The following SNX4 variants were observed in gnomAD, a reference collection of about 807,000 sequenced individuals.
The protein encoded by SNX4 is sorting nexin 4, also known as sorting nexin-4.
In SNX4, 49 loss-of-function variants were observed where a neutral mutation model predicts 70.8. The ratio of observed to expected loss-of-function variants is 0.69; its 90% CI spans 0.55 to 0.88. The LOEUF (loss-of-function observed/expected upper bound fraction) is 0.88. SNX4 is among the 40% of genes least tolerant of loss of function. SNX4 has a pLI of 0.00. For synonymous variants in SNX4, 206 were observed against 183.8 expected (o/e 1.12, Z -0.98); for missense variants, 528 against 544.8 (o/e 0.97, Z 0.31).
At position 125,455,843 on chromosome 3, in the gene SNX4, C is replaced by G. The variant is rs1933701223; in HGVS notation, c.1044+1423G>C. Reference sequence around the variant, plus strand: ...CTTGGCTAACATGGTGAAACCCCGTCTGTACTAAAAGTGCAAAAAAAAAAT... The same window carrying G: ...CTTGGCTAACATGGTGAAACCCCGTGTGTACTAAAAGTGCAAAAAAAAAAT... On this transcript the variant is annotated intron_variant, in intron 11 of 13. Transcript: ENST00000251775. Among the ~76,000 whole-genome samples, 3 of 152,032 alleles carry G rather than the reference C, an allele frequency of 2.0e-5. No homozygotes were observed. In the South Asian group the frequency reaches 6.2e-4, roughly 32 times the overall value.
At chr3:125,457,211 G>A in intron 11 of SNX4, 55 bp downstream of exon 11, 1 of 1,251,044 alleles carries the variant, frequency 8.0e-7, no homozygotes, top group South Asian at 1.2e-5. Context: ...GAGTGCTTGT[G>A]AGGAACATTC....
At chr3:125,519,955 C>A in intron 1 of SNX4, 77 bp downstream of exon 1, 2 of 1,155,734 alleles carry the variant, frequency 1.7e-6, no homozygotes, top group Non-Finnish European at 2.3e-6. Context: ...CCCGGCCCAG[C>A]CCAGCCCAGC....
At position 125,497,763 on chromosome 3, in the gene SNX4, G is replaced by T. The variant is rs1246780555; in HGVS notation, c.549+71C>A. ...ATTAATGAAAAGATCCTTAAAATAA[G>T]TATTCTACAATTTTTTTAAGAAACC... On this transcript the variant is annotated intron_variant, in intron 4 of 13. Coordinates refer to ENST00000251775, the MANE Select transcript of SNX4 (RefSeq NM_003794.4). 5.9e-6 allele frequency: 6 copies of T among 1,013,282 alleles called. No homozygotes were observed. In the Admixed American group the frequency reaches 1.6e-4, roughly 27 times the overall value. The allele number at this position is 1,013,282 out of a possible 1,614,324, so 62.8% of individuals were successfully genotyped here. A position where few individuals can be genotyped will look rare whatever the true frequency, so the allele number is the denominator to read the frequency against.
chr3:125,512,604 G>A (rs1170048791), intron 1 of SNX4, among the ~76,000 whole-genome samples: 1 of 152,162 alleles, frequency 6.6e-6, no homozygotes, highest in Non-Finnish European at 1.5e-5. Context: ...GGACTGGCTT[G>A]TTGAATGGCA....
chr3:125,460,873 A>C lies in SNX4; in HGVS notation c.855-13T>G. On this transcript the variant is annotated splice_polypyrimidine_tract_variant and intron_variant, in intron 9 of 13. Transcript: ENST00000251775. ...AGAAGATGCATACCTGTTTTAAAAA[A>C]AAAAACACACATTGCATAGAGTTAC... The C allele has an allele frequency of 7.8e-7, 1 of 1,284,298 alleles. No homozygotes were observed. The highest frequency in any genetic ancestry group is 1.1e-6 in the Non-Finnish European group (1 of 929,028). The allele number at this position is 1,284,298 out of a possible 1,614,324, so 79.6% of individuals were successfully genotyped here. A position where few individuals can be genotyped will look rare whatever the true frequency, so the allele number is the denominator to read the frequency against.
intron 8 of SNX4, among the ~76,000 whole-genome samples, chr3:125,470,264 T>A (rs1039957924): frequency 3.3e-5 from 5 of 152,130 alleles, no homozygotes; most frequent in African/African-American, 1.2e-4. Context: ...ATGCTTTTTT[T>A]AAATAGTATT....
intron 8 of SNX4, among the ~76,000 whole-genome samples, chr3:125,470,557 C>T (rs1934141589): frequency 1.3e-5 from 2 of 149,584 alleles, no homozygotes; most frequent in South Asian, 2.1e-4. Context: ...ACCTGAAGTC[C>T]ACCCTCACCT....
chr3:125,472,630 G>A (rs1934201527), intron 8 of SNX4, among the ~76,000 whole-genome samples: 1 of 152,066 alleles, frequency 6.6e-6, no homozygotes, highest in Admixed American at 6.6e-5. Context: ...GCTGCTTCTG[G>A]CCAATGTCAT....
intron 7 of SNX4, among the ~76,000 whole-genome samples, chr3:125,479,783 T>C (rs1163848862): frequency 6.6e-6 from 1 of 152,142 alleles, no homozygotes; most frequent in Non-Finnish European, 1.5e-5. Context: ...CTGAACTATA[T>C]GGTTAAGTAT....
At chr3:125,518,402 C>A (rs1935324376) in intron 1 of SNX4, among the ~76,000 whole-genome samples, 1 of 151,960 alleles carries the variant, frequency 6.6e-6, no homozygotes, top group South Asian at 2.1e-4. Flanking sequence ...GTCAAGGTTG[C>A]AGTGAGCCAT....
At chr3:125,494,821 C>T (rs1450577324) in intron 5 of SNX4, among the ~76,000 whole-genome samples, 1 of 152,126 alleles carries the variant, frequency 6.6e-6, no homozygotes, top group Non-Finnish European at 1.5e-5. Flanking sequence ...ATACTGAACT[C>T]ATCTATGATA....
intron 1 of SNX4, among the ~76,000 whole-genome samples, chr3:125,505,470 G>T (rs541538141): frequency 6.6e-6 from 1 of 152,252 alleles, no homozygotes; most frequent in South Asian, 2.1e-4. Context: ...GGAAGGCTTG[G>T]ATGACAAAAT....
intron 5 of SNX4, among the ~76,000 whole-genome samples, chr3:125,495,275 T>TACACAC (rs58981797): frequency 7.2e-5 from 6 of 83,062 alleles, no homozygotes; most frequent in African/African-American, 2.2e-4. Context: ...TATATATATA[T>TACACAC]ATACACATAC....
chr3:125,490,366 C>T (rs887749998), intron 5 of SNX4, among the ~76,000 whole-genome samples: 1 of 149,700 alleles, frequency 6.7e-6, no homozygotes, highest in African/African-American at 2.5e-5. Context: ...ACTAAAAATA[C>T]AAAAAATTAG....
At chr3:125,447,880 C>T in intron 13 of SNX4, 54 bp from the exon 14 acceptor site, 6 of 1,219,490 alleles carry the variant, frequency 4.9e-6, no homozygotes, top group Non-Finnish European at 7.0e-6. Context: ...ATCTGAAAAC[C>T]CAAGTACTTG....
intron 2 of SNX4, among the ~76,000 whole-genome samples, chr3:125,500,518 C>T (rs1934902222): frequency 6.6e-6 from 1 of 151,864 alleles, no homozygotes; most frequent in South Asian, 2.1e-4. Flanking sequence ...TAAGAATTTA[C>T]TGGCCAGGCG....
intron 9 of SNX4, among the ~76,000 whole-genome samples, chr3:125,463,585 G>T (rs1308896858): frequency 6.6e-6 from 1 of 152,186 alleles, no homozygotes; most frequent in Admixed American, 6.5e-5. Context: ...GAAAAAAGTA[G>T]CTAGTTGGTT....
intron 6 of SNX4, among the ~76,000 whole-genome samples, chr3:125,486,663 T>G (rs1934541043): frequency 6.6e-6 from 1 of 152,152 alleles, no homozygotes; most frequent in Admixed American, 6.5e-5. Context: ...ATCTGGTCAG[T>G]TTACCACCTA....
chr3:125,473,909 A>G (rs967215455), intron 8 of SNX4, among the ~76,000 whole-genome samples: 3 of 152,210 alleles, frequency 2.0e-5, no homozygotes, highest in Admixed American at 6.5e-5. Context: ...AAATCACTCT[A>G]TAAGGACACA....
Sources: allele counts gnomAD v4.1 joint callset (sites outside exome capture counted in the v4.1 genomes callset), GRCh38; gene constraint gnomAD v4.1.1; transcripts MANE v1.5; gene names NCBI Gene and HGNC (gene_info 2026-07-23, HGNC 2026-07-21).